Variants in ABI1 observed in about 807,000 individuals in gnomAD.
ABI1 encodes Abelson interactor 1.
ABI1 carries 14 observed loss-of-function variants against 54.6 expected under a neutral mutation model. The observed-to-expected ratio is 0.26, with a 90% CI of 0.17 to 0.40. ABI1 has a LOEUF of 0.40. ABI1 is among the 10% of genes least tolerant of loss of function. ABI1 has a pLI of 1.00. For missense variants in ABI1, 443 were observed against 598.3 expected, an observed-to-expected ratio of 0.74 and a Z score of 2.71; for synonymous variants, 194 against 209.3, an observed-to-expected ratio of 0.93 and a Z score of 0.63.
intron 2 of ABI1, among the ~76,000 whole-genome samples, chr10:26,787,721 A>G (rs1842882636): frequency 6.6e-6 from 1 of 152,172 alleles, no homozygotes; most frequent in Non-Finnish European, 1.5e-5. Context: ...CTTCAACTTT[A>G]CATAGCAAAA....
intron 1 of ABI1, among the ~76,000 whole-genome samples, chr10:26,829,042 CG>C (rs1187206038): frequency 6.6e-6 from 1 of 151,636 alleles, no homozygotes; most frequent in Non-Finnish European, 1.5e-5. Context: ...CTGGCTAACA[CG>C]GTGAAACCCC....
chr10:26,825,616 G>A (rs187159639), intron 1 of ABI1, among the ~76,000 whole-genome samples: 11 of 152,266 alleles, frequency 7.2e-5, no homozygotes, highest in African/African-American at 1.7e-4. Context: ...AGCTGAGACC[G>A]TGCCACCGTA....
At chr10:26,785,889 C>G (rs1021436560) in intron 2 of ABI1, among the ~76,000 whole-genome samples, 3 of 152,098 alleles carry the variant, frequency 2.0e-5, no homozygotes, top group Non-Finnish European at 2.9e-5. Context: ...TCACTCGGCC[C>G]CTTTCACCTT....
chr10:26,819,563 T>C (rs1201020211), intron 2 of ABI1, among the ~76,000 whole-genome samples: 1 of 152,234 alleles, frequency 6.6e-6, no homozygotes, highest in African/African-American at 2.4e-5. Context: ...TTGAATATTA[T>C]CAACCAACTT....
At chr10:26,852,567 T>C (rs1172954362) in intron 1 of ABI1, among the ~76,000 whole-genome samples, 1 of 152,222 alleles carries the variant, frequency 6.6e-6, no homozygotes, top group Non-Finnish European at 1.5e-5. Flanking sequence ...TTCTATATGA[T>C]ATAATATATA....
At chr10:26,842,987 T>C (rs1055539922) in intron 1 of ABI1, among the ~76,000 whole-genome samples, 1 of 151,852 alleles carries the variant, frequency 6.6e-6, no homozygotes, top group African/African-American at 2.4e-5. Flanking sequence ...GAGGCTGCAG[T>C]GAACCAAGAT....
intron 2 of ABI1, chr10:26,788,972 G>T (rs374340492): frequency 6.9e-6 from 1 of 144,342 alleles, no homozygotes; most frequent in East Asian, 2.1e-4. Flanking sequence ...TGATTCCAAC[G>T]TAAACAAATG....
chr10:26,827,610 T>TTTTA (rs2048390445), intron 1 of ABI1, among the ~76,000 whole-genome samples: 1 of 149,724 alleles, frequency 6.7e-6, no homozygotes, highest in African/African-American at 2.5e-5. Flanking sequence ...TTTTTTTTTT[T>TTTTA]GAGATGGAGT....
At chr10:26,847,795 C>T (rs1050468954) in intron 1 of ABI1, among the ~76,000 whole-genome samples, 2 of 151,944 alleles carry the variant, frequency 1.3e-5, no homozygotes, top group Non-Finnish European at 2.9e-5. Flanking sequence ...GGGGAAAATG[C>T]CAGAGAAACA....
Position 26,755,640 on chromosome 10 carries a change from T to G in ABI1, c.1084+15A>C, listed in dbSNP as rs1169291989. The G allele has an allele frequency of 5.0e-6, 8 of 1,601,626 alleles. No homozygotes were observed. The highest frequency in any genetic ancestry group is 1.3e-5 in the African/African-American group (1 of 74,616). ...CAGCCTCTACTCTTCCATAGCTCAG[T>G]TTTTCCAAACTTACTGTTTTCCTGC... On this transcript the variant is annotated intron_variant, in intron 9 of 10. Coordinates refer to ENST00000376140, the MANE Select transcript of ABI1 (RefSeq NM_001012750.3).
rs996643882 is a variant in ABI1, at chr10:26,747,903, GAA to G, written c.*665_*666del. 9 of 194,402 alleles carry G rather than the reference GAA, an allele frequency of 4.6e-5. No individual in the cohort carries two copies. The highest frequency in any genetic ancestry group is 2.3e-5 in the African/African-American group (1 of 43,084). 12.0% of individuals were successfully genotyped at this position (194,402 alleles called of 1,614,324 possible). The stretch of plus-strand genomic sequence containing the variant: ...TGGTTCACTTATGTATTTATGAATG[GAA>G]AAAGTTTATAATGCAAATTTCACTC... On this transcript the variant is annotated 3_prime_UTR_variant, in exon 11 of 11. Transcript: ENST00000376140.
At chr10:26,764,009 C>A in intron 7 of ABI1, 1 of 1,445,990 alleles carries the variant, frequency 6.9e-7, no homozygotes. Context: ...AAAGAAAACT[C>A]AACATTTTGA....
At chr10:26,756,085 C>A (rs1838265270) in intron 8 of ABI1, among the ~76,000 whole-genome samples, 1 of 152,108 alleles carries the variant, frequency 6.6e-6, no homozygotes, top group African/African-American at 2.4e-5. Flanking sequence ...TAAGGAAAGA[C>A]TTCTAAAATA....
intron 2 of ABI1, among the ~76,000 whole-genome samples, chr10:26,817,768 A>AG (rs2047671143): frequency 2.6e-5 from 4 of 152,214 alleles, no homozygotes; most frequent in Non-Finnish European, 5.9e-5. Context: ...TTTTAGATAT[A>AG]CAAAAGCTGA....
In ABI1 at chr10:26,848,143, G is replaced by A. The variant is rs1001534865; in HGVS notation, c.117+12604C>T. ...GAGCCCAGGATTTCAAGGCTGTAGT[G>A]AACAGTAATCGTGCCACTGCACTCC... On this transcript the variant is annotated intron_variant, in intron 1 of 10. Coordinates refer to ENST00000376140, the MANE Select transcript of ABI1 (RefSeq NM_001012750.3). Among the ~76,000 whole-genome samples the A allele has an allele frequency of 4.2e-5, 6 of 142,168 alleles. No individual in the cohort carries two copies. In the Admixed American group the frequency reaches 4.5e-4, roughly 11 times the overall value. The allele number at this position is 142,168 out of a possible 152,430, so 93.3% of individuals were successfully genotyped here. A position where few individuals can be genotyped will look rare whatever the true frequency, so the allele number is the denominator to read the frequency against.
At chr10:26,839,042 T>C (rs2049297763) in intron 1 of ABI1, among the ~76,000 whole-genome samples, 1 of 152,204 alleles carries the variant, frequency 6.6e-6, no homozygotes, top group Non-Finnish European at 1.5e-5. Flanking sequence ...ACTGAGAAAG[T>C]AAATGTTCTC....
At position 26,746,749 on chromosome 10, in the gene ABI1, T is replaced by G; in HGVS notation, c.*1821A>C. 2.2e-6 allele frequency: 1 copy of G among 456,730 alleles called. No homozygotes were observed. 28.3% of individuals were successfully genotyped at this position (456,730 alleles called of 1,614,324 possible). A position where few individuals can be genotyped will look rare whatever the true frequency, so the allele number is the denominator to read the frequency against. ...TGTGGTATTGTTTACACTGTTAATA[T>G]CCACATGTAAGGCCATTACACAAAT... is the stretch of plus-strand genomic sequence containing the variant. On this transcript the variant is annotated 3_prime_UTR_variant, in exon 11 of 11. Transcript: ENST00000376140.
Position 26,755,602 on chromosome 10 carries a change from T to C in ABI1, c.1084+53A>G, listed in dbSNP as rs1227505108. The C allele has an allele frequency of 3.6e-6, 5 of 1,391,634 alleles. No individual in the cohort carries two copies. The Admixed American group carries it at 6.9e-5, about 19-fold the overall frequency. The allele number at this position is 1,391,634 out of a possible 1,614,324, so 86.2% of individuals were successfully genotyped here. A position where few individuals can be genotyped will look rare whatever the true frequency, so the allele number is the denominator to read the frequency against. ...ACGATGACTCATCGTCAGCCATGCA[T>C]GCTATAAGGAGACAGCCTCTACTCT... is the stretch of plus-strand genomic sequence containing the variant. On this transcript the variant is annotated intron_variant, in intron 9 of 10. Transcript: ENST00000376140.
At chr10:26,790,921 A>T (rs1843342962) in intron 2 of ABI1, among the ~76,000 whole-genome samples, 1 of 151,946 alleles carries the variant, frequency 6.6e-6, no homozygotes, top group Non-Finnish European at 1.5e-5. Flanking sequence ...ATGCAAAAAA[A>T]TTTGCTGGGC....
Sources: gnomAD v4.1 joint callset for allele counts (sites outside exome capture counted in the v4.1 genomes callset) on GRCh38, gnomAD v4.1.1 for gene constraint, MANE v1.5 for transcripts, NCBI Gene and HGNC (gene_info 2026-07-23, HGNC 2026-07-21) for gene names.